LYSMD2: variants seen among roughly 807,000 people sequenced by gnomAD.
LYSMD2 encodes lysM and putative peptidoglycan-binding domain-containing protein 2.
A neutral mutation model predicts 17.7 loss-of-function variants in LYSMD2; 6 were observed. That is an observed-to-expected ratio of 0.34 (90% CI 0.19 to 0.67). The LOEUF (loss-of-function observed/expected upper bound fraction) is 0.67. LYSMD2 is among the 30% of genes least tolerant of loss of function. The probability of loss-of-function intolerance (pLI) is 0.69; values close to 1 mark genes in which losing one functional copy is unlikely to be tolerated. For synonymous variants in LYSMD2, 102 were observed against 129.8 expected, an observed-to-expected ratio of 0.79 and a Z score of 1.45; for missense variants, 237 against 286.7, an observed-to-expected ratio of 0.83 and a Z score of 1.25.
intron 1 of LYSMD2, among the ~76,000 whole-genome samples, chr15:51,736,048 CAATG>C (rs1316584677): frequency 1.3e-5 from 2 of 152,234 alleles, no homozygotes; most frequent in Non-Finnish European, 2.9e-5. Context: ...AAGCTGGTCT[CAATG>C]AATGATCATA....
At position 51,737,612 on chromosome 15, in the gene LYSMD2, G is replaced by A; in HGVS notation, c.11C>T (p.Ser4Phe). 8.3e-7 allele frequency: 1 copy of A among 1,210,342 alleles called. No individual in the cohort carries two copies. Among genetic ancestry groups the A allele is most frequent in the Non-Finnish European group, 1.0e-6 (1 of 974,870 alleles). The allele number at this position is 1,210,342 out of a possible 1,614,324, so 75.0% of individuals were successfully genotyped here. MAD[S>F]SPALSLREGG... The stretch of plus-strand genomic sequence containing the variant: ...TTCCCGCAGGGACAGTGCGGGCGAG[G>A]AATCCGCCATGGGTCCTGCCGAGGC... Residue 4 changes from serine to phenylalanine, a missense_variant, in exon 1 of 3, where the codon TCC becomes TTC. Coordinates refer to ENST00000267838, the MANE Select transcript of LYSMD2 (RefSeq NM_153374.3). This position sits in a 1 kb window ranked among gnomAD's most constrained non-coding sequence, Gnocchi z 4.2.
At chr15:51,727,600 C>T (rs2055548413) in intron 1 of LYSMD2, among the ~76,000 whole-genome samples, 1 of 152,196 alleles carries the variant, frequency 6.6e-6, no homozygotes, top group African/African-American at 2.4e-5. Flanking sequence ...TCATACAGAG[C>T]ACAATGGGCC....
At chr15:51,724,744 A>G in intron 2 of LYSMD2, 46 bp downstream of exon 2, 1 of 1,387,256 alleles carries the variant, frequency 7.2e-7, no homozygotes, top group South Asian at 1.4e-5. Context: ...GGACATCTTA[A>G]TAGTGATTTA....
Position 51,723,566 on chromosome 15 carries a change from A to G in LYSMD2, c.*41T>C. 3 of 1,503,970 alleles carry G rather than the reference A, an allele frequency of 2.0e-6. No homozygotes were observed. Among genetic ancestry groups the G allele is most frequent in the Non-Finnish European group, 2.8e-6 (3 of 1,080,854 alleles). The allele number at this position is 1,503,970 out of a possible 1,614,324, so 93.2% of individuals were successfully genotyped here. A position where few individuals can be genotyped will look rare whatever the true frequency, so the allele number is the denominator to read the frequency against. On this transcript the variant is annotated 3_prime_UTR_variant, in exon 3 of 3. Coordinates refer to ENST00000267838, the MANE Select transcript of LYSMD2 (RefSeq NM_153374.3). The stretch of plus-strand genomic sequence containing the variant: ...CAGTTGTTGGATTCTTTATGGTCCA[A>G]ACATATCTTAATTTTGGTTAGAGTT...
intron 1 of LYSMD2, among the ~76,000 whole-genome samples, chr15:51,735,849 G>A (rs1035691118): frequency 1.3e-5 from 2 of 152,216 alleles, no homozygotes; most frequent in African/African-American, 4.8e-5. Context: ...ACACTCTTCT[G>A]CATGTCATAG....
At chr15:51,732,714 G>A (rs913332221) in intron 1 of LYSMD2, among the ~76,000 whole-genome samples, 1 of 152,116 alleles carries the variant, frequency 6.6e-6, no homozygotes, top group South Asian at 2.1e-4. Context: ...CTCTAGGGGA[G>A]AGATATTCAA....
intron 2 of LYSMD2, 148 bp downstream of exon 2, chr15:51,724,642 G>GGAAGAAATTAAGAAAC: frequency 2.0e-6 from 1 of 508,798 alleles, no homozygotes; most frequent in Admixed American, 4.0e-5. Flanking sequence ...AATTAAGAAA[G>GGAAGAAATTAAGAAAC]AAAGAAATTA....
intron 1 of LYSMD2, among the ~76,000 whole-genome samples, chr15:51,732,325 T>C (rs75084116): frequency 0.032 from 4,936 of 152,236 alleles, 255 homozygotes; most frequent in African/African-American, 0.11. Context: ...ACTCACAACA[T>C]GCCAGGCTCC....
chr15:51,725,829 G>A (rs866361184), intron 1 of LYSMD2, among the ~76,000 whole-genome samples: 20 of 152,060 alleles, frequency 1.3e-4, no homozygotes, highest in African/African-American at 4.3e-4. Flanking sequence ...TCCACTTTGC[G>A]ATGAAGAAAT....
intron 1 of LYSMD2, among the ~76,000 whole-genome samples, chr15:51,730,580 T>C (rs947968952): frequency 2.0e-5 from 3 of 152,064 alleles, no homozygotes; most frequent in East Asian, 1.9e-4. Context: ...TCACAAAGCA[T>C]CCCTCCAGAA....
chr15:51,725,902 G>A (rs1019020088), intron 1 of LYSMD2, among the ~76,000 whole-genome samples: 1 of 151,996 alleles, frequency 6.6e-6, no homozygotes, highest in Non-Finnish European at 1.5e-5. Context: ...GTTTAAAATG[G>A]GATTTTTGTC....
rs914383925 is a variant in LYSMD2, at chr15:51,728,249, TA to T, written c.274-3129del. Among the ~76,000 whole-genome samples, 6 of 151,604 alleles carry T rather than the reference TA, an allele frequency of 4.0e-5. No individual in the cohort carries two copies. In the East Asian group the frequency reaches 5.8e-4, roughly 15 times the overall value. ...CAACATAGCAAAACCTCATTTCTAC[TA>T]AAAAAAAGAAATACAAAAATTAGCC... On this transcript the variant is annotated intron_variant, in intron 1 of 2. Coordinates refer to ENST00000267838, the MANE Select transcript of LYSMD2 (RefSeq NM_153374.3).
chr15:51,751,403 C>G (rs1246261570), exon 1 of LYSMD2: 1 of 700,952 alleles, frequency 1.4e-6, no homozygotes, highest in Non-Finnish European at 2.6e-6. Flanking sequence ...CCAGGCTTCT[C>G]CCCGACCCAG....
At chr15:51,747,308 A>G (rs957929580) in intron 1 of LYSMD2, among the ~76,000 whole-genome samples, 6 of 151,978 alleles carry the variant, frequency 3.9e-5, no homozygotes, top group Admixed American at 1.3e-4. Context: ...CCTGACCAAC[A>G]TGGAGAAACC....
At position 51,723,475 on chromosome 15, in the gene LYSMD2, A is replaced by T; in HGVS notation, c.*132T>A. Reference sequence around the variant, plus strand: ...TCACTTCAGTGCAACTGCAGCAGGTAGAACTACCTAGTTATGATTTTAAGA... The same window carrying T: ...TCACTTCAGTGCAACTGCAGCAGGTTGAACTACCTAGTTATGATTTTAAGA... On this transcript the variant is annotated 3_prime_UTR_variant, in exon 3 of 3. Transcript: ENST00000267838. The T allele has an allele frequency of 1.3e-6, 1 of 742,692 alleles. No homozygotes were observed. The highest frequency in any genetic ancestry group is 2.4e-6 in the Non-Finnish European group (1 of 417,824). 46.0% of individuals were successfully genotyped at this position (742,692 alleles called of 1,614,324 possible).
At chr15:51,745,655 CCA>C (rs3078131) in intron 1 of LYSMD2, among the ~76,000 whole-genome samples, 63,589 of 150,796 alleles carry the variant, frequency 0.42, 13,492 homozygotes, top group Middle Eastern at 0.46. Flanking sequence ...AAAACACACA[CCA>C]CACACACACA....
At chr15:51,726,800 T>C (rs1028059796) in intron 1 of LYSMD2, among the ~76,000 whole-genome samples, 1 of 152,224 alleles carries the variant, frequency 6.6e-6, no homozygotes, top group African/African-American at 2.4e-5. Flanking sequence ...CTGTCACTTG[T>C]AGCTGAAAGA....
In LYSMD2 at chr15:51,725,030, G is replaced by C; in HGVS notation, c.365C>G (p.Pro122Arg). ...GGAGTTAAGTCCATTAAACAACAAAGGCTTCTCTGATATAACTGGGATGTT... is the reference window on the plus strand; with the variant it reads ...GGAGTTAAGTCCATTAAACAACAAACGCTTCTCTGATATAACTGGGATGTT... The part of the protein sequence containing the change: ...TLNIPVISEK[P>R]LLFNGLNSID... The change falls in exon 2 of 3, where the codon CCT (proline) becomes CGT (arginine). Residue 122 changes from proline (P) to arginine (R), a missense_variant. Coordinates refer to ENST00000267838, the MANE Select transcript of LYSMD2 (RefSeq NM_153374.3). The C allele has an allele frequency of 6.2e-7, 1 of 1,613,666 alleles. No homozygotes were observed. Among genetic ancestry groups the C allele is most frequent in the South Asian group, 1.1e-5 (1 of 91,064 alleles).
At chr15:51,728,139 C>T (rs1327786375) in intron 1 of LYSMD2, among the ~76,000 whole-genome samples, 2 of 152,074 alleles carry the variant, frequency 1.3e-5, no homozygotes, top group South Asian at 4.1e-4. Context: ...GTATTTAGAA[C>T]AACATATGGG....
Sources: allele counts gnomAD v4.1 joint callset (sites outside exome capture counted in the v4.1 genomes callset), GRCh38; gene constraint gnomAD v4.1.1; non-coding constraint Gnocchi (gnomAD v3.1); transcripts MANE v1.5; gene names NCBI Gene and HGNC (gene_info 2026-07-23, HGNC 2026-07-21).